The following PAG1 variants were observed in gnomAD, a reference collection of about 807,000 sequenced individuals.
The protein encoded by PAG1 is phosphoprotein membrane anchor with glycosphingolipid microdomains 1, also known as phosphoprotein associated with glycosphingolipid-enriched microdomains 1.
In PAG1, 23 loss-of-function variants were observed where a neutral mutation model predicts 31.7. The ratio of observed to expected loss-of-function variants is 0.73; its 90% confidence interval spans 0.52 to 1.03. The LOEUF (loss-of-function observed/expected upper bound fraction) is 1.03. PAG1 is among the 50% of genes least tolerant of loss of function. PAG1 has a pLI of 0.00. For missense variants in PAG1, 473 were observed against 540.7 expected (o/e 0.87, Z 1.24); for synonymous variants, 214 against 210.3 (o/e 1.02, Z -0.15).
chr8:80,995,578 CA>C (rs1460650953), intron 3 of PAG1, among the ~76,000 whole-genome samples: 1 of 152,180 alleles, frequency 6.6e-6, no homozygotes, highest in Admixed American at 6.5e-5. Flanking sequence ...TACACAGGTC[CA>C]AAGCATACAA....
At chr8:81,055,657 T>C (rs919504805) in intron 2 of PAG1, among the ~76,000 whole-genome samples, 1 of 152,156 alleles carries the variant, frequency 6.6e-6, no homozygotes, top group Non-Finnish European at 1.5e-5. Context: ...TAGTTCTCCT[T>C]GAAGAGGTCC....
chr8:81,077,456 G>A (rs575729251), intron 1 of PAG1, among the ~76,000 whole-genome samples: 1 of 152,296 alleles, frequency 6.6e-6, no homozygotes, highest in African/African-American at 2.4e-5. Context: ...CCCACAGATT[G>A]CAGGGAACAC....
At chr8:80,979,357 AG>A (rs1403998599) in intron 8 of PAG1, among the ~76,000 whole-genome samples, 1 of 152,078 alleles carries the variant, frequency 6.6e-6, no homozygotes, top group Non-Finnish European at 1.5e-5. Flanking sequence ...TGGCCTAGGG[AG>A]GGGCGGCCGC....
At chr8:81,085,585 C>T (rs945149030) in intron 1 of PAG1, among the ~76,000 whole-genome samples, 1 of 152,172 alleles carries the variant, frequency 6.6e-6, no homozygotes, top group Non-Finnish European at 1.5e-5. Flanking sequence ...ATTACCCTAC[C>T]TATGTCCACA....
At chr8:81,069,667 A>G (rs1390887978) in intron 2 of PAG1, among the ~76,000 whole-genome samples, 1 of 152,244 alleles carries the variant, frequency 6.6e-6, no homozygotes, top group Admixed American at 6.5e-5. Context: ...CCAAAAACAC[A>G]GCCTCGTATA....
intron 1 of PAG1, among the ~76,000 whole-genome samples, chr8:81,109,013 C>A (rs901515625): frequency 2.0e-5 from 3 of 152,044 alleles, no homozygotes; most frequent in Admixed American, 2.0e-4. Context: ...GCTGCAGCTA[C>A]ACGTGCAGGC....
intron 2 of PAG1, among the ~76,000 whole-genome samples, chr8:81,038,068 T>C (rs1808491809): frequency 6.6e-6 from 1 of 152,164 alleles, no homozygotes; most frequent in Non-Finnish European, 1.5e-5. Flanking sequence ...TGAGAAACAG[T>C]TCTCTGACTT....
intron 1 of PAG1, among the ~76,000 whole-genome samples, chr8:81,095,011 G>A (rs1163432141): frequency 6.6e-6 from 1 of 152,206 alleles, no homozygotes; most frequent in Non-Finnish European, 1.5e-5. Flanking sequence ...GAATATTAAA[G>A]TGAAAGTACA....
chr8:80,984,387 T>C (rs1301699822), intron 7 of PAG1, among the ~76,000 whole-genome samples: 1 of 152,128 alleles, frequency 6.6e-6, no homozygotes, highest in African/African-American at 2.4e-5. Context: ...ATGCTGATTT[T>C]TGGGGATCCT....
At chr8:81,095,006 T>G (rs1415736949) in intron 1 of PAG1, among the ~76,000 whole-genome samples, 1 of 152,220 alleles carries the variant, frequency 6.6e-6, no homozygotes, top group Non-Finnish European at 1.5e-5. Context: ...AAATGGAATA[T>G]TAAAGTGAAA....
chr8:81,004,778 T>G (rs974780559), intron 3 of PAG1, among the ~76,000 whole-genome samples: 3 of 152,168 alleles, frequency 2.0e-5, no homozygotes, highest in Non-Finnish European at 4.4e-5. Flanking sequence ...TGCAATGCCC[T>G]TGGACTGATG....
intron 2 of PAG1, among the ~76,000 whole-genome samples, chr8:81,047,143 C>T (rs923987861): frequency 3.3e-5 from 5 of 152,084 alleles, no homozygotes; most frequent in South Asian, 2.1e-4. Flanking sequence ...CGAATAGTAC[C>T]GCAATGAACA....
At chr8:80,985,639 T>C (rs912271982) in intron 6 of PAG1, among the ~76,000 whole-genome samples, 40 of 152,232 alleles carry the variant, frequency 2.6e-4, no homozygotes, top group Admixed American at 6.5e-4. Context: ...CTTTCCTTAA[T>C]GTCACTCCAA....
chr8:81,076,721 G>C (rs895465262), intron 1 of PAG1, among the ~76,000 whole-genome samples: 1 of 152,118 alleles, frequency 6.6e-6, no homozygotes, highest in Non-Finnish European at 1.5e-5. Flanking sequence ...AAATATCCTA[G>C]GGCCCATGCT....
intron 2 of PAG1, among the ~76,000 whole-genome samples, chr8:81,060,861 A>G (rs1480417121): frequency 6.6e-6 from 1 of 152,212 alleles, no homozygotes; most frequent in Non-Finnish European, 1.5e-5. Context: ...AAACTATCCA[A>G]TAAGCATTAC....
At chr8:80,993,615 T>C (rs2099620) in intron 3 of PAG1, among the ~76,000 whole-genome samples, 38,911 of 148,678 alleles carry the variant, frequency 0.26, 5,436 homozygotes, top group East Asian at 0.66. Flanking sequence ...TTTTTTTTTT[T>C]TTCTTCAACC....
At chr8:81,079,591 T>C (rs1200010975) in intron 1 of PAG1, among the ~76,000 whole-genome samples, 3 of 152,022 alleles carry the variant, frequency 2.0e-5, no homozygotes, top group Non-Finnish European at 4.4e-5. Flanking sequence ...ACTGAGCATA[T>C]GAGACTCAGG....
intron 3 of PAG1, among the ~76,000 whole-genome samples, chr8:81,004,815 A>G (rs935803728): frequency 1.3e-4 from 20 of 152,096 alleles, no homozygotes; most frequent in East Asian, 1.9e-4. Context: ...ACTGTCCCCA[A>G]TGTGTCTGGT....
intron 6 of PAG1, among the ~76,000 whole-genome samples, chr8:80,986,519 C>T (rs1161182064): frequency 2.6e-5 from 4 of 152,174 alleles, no homozygotes; most frequent in South Asian, 4.1e-4. Context: ...TGACTGAGTG[C>T]GTGCCCAGGG....
Sources: gnomAD v4.1 joint callset for allele counts (sites outside exome capture counted in the v4.1 genomes callset) on GRCh38, gnomAD v4.1.1 for gene constraint, MANE v1.5 for transcripts, NCBI Gene and HGNC (gene_info 2026-07-23, HGNC 2026-07-21) for gene names.